MITF: variants seen among roughly 807,000 people sequenced by gnomAD.
MITF encodes the protein microphthalmia-associated transcription factor.
In MITF, 17 loss-of-function variants were observed where a neutral mutation model predicts 60.5. The ratio of observed to expected loss-of-function variants is 0.28; its 90% CI spans 0.19 to 0.42. The LOEUF is 0.42. Ranked by LOEUF, MITF falls within the 10% of genes least tolerant of loss-of-function variation. The pLI, the probability that MITF is intolerant of heterozygous loss-of-function variation, is 1.00. For synonymous variants in MITF, 260 were observed against 248.5 expected (o/e 1.05, Z -0.43); for missense variants, 622 against 683.5 (o/e 0.91, Z 1.00).
At chr3:69,944,105 T>C (rs2066035779) in intron 5 of MITF, among the ~76,000 whole-genome samples, 1 of 152,092 alleles carries the variant, frequency 6.6e-6, no homozygotes, top group African/African-American at 2.4e-5. Context: ...AGAAAACACA[T>C]TTAAAAATAA....
intron 1 of MITF, among the ~76,000 whole-genome samples, chr3:69,799,462 T>C (rs112316564): frequency 1.4e-3 from 218 of 152,290 alleles, no homozygotes; most frequent in African/African-American, 5.1e-3. Context: ...GCTCTTTTTG[T>C]TGTTGTTGTT....
At chr3:69,828,288 G>C (rs2063388781) in intron 1 of MITF, among the ~76,000 whole-genome samples, 1 of 152,174 alleles carries the variant, frequency 6.6e-6, no homozygotes, top group East Asian at 1.9e-4. Context: ...AATAATTTAA[G>C]AAGATTAGTG....
intron 1 of MITF, among the ~76,000 whole-genome samples, chr3:69,782,058 C>T (rs1259124617): frequency 6.6e-6 from 1 of 152,196 alleles, no homozygotes; most frequent in Non-Finnish European, 1.5e-5. Context: ...AGGTTTGCAA[C>T]ATTGTACAAC....
intron 2 of MITF, among the ~76,000 whole-genome samples, chr3:69,891,729 C>T (rs1164739623): frequency 6.6e-6 from 1 of 152,132 alleles, no homozygotes; most frequent in African/African-American, 2.4e-5. Flanking sequence ...AGAGTTATGG[C>T]AAATCTCCAA....
intron 2 of MITF, among the ~76,000 whole-genome samples, chr3:69,931,399 T>C (rs1559728172): frequency 2.0e-5 from 3 of 152,192 alleles, no homozygotes; most frequent in African/African-American, 7.2e-5. Flanking sequence ...GATTTTCTTA[T>C]GATAACACCT....
rs1397711103 is a variant in MITF at position 69,786,662 on chromosome 3, T to C, written c.104+46961T>C. Reference sequence around the variant, plus strand: ...TTGTTATGGATTTTATATAAGACTGTGGAAAATGAGACGTGTTTGCTTGTA... The same window carrying C: ...TTGTTATGGATTTTATATAAGACTGCGGAAAATGAGACGTGTTTGCTTGTA... On this transcript the variant is annotated intron_variant, in intron 1 of 9. Transcript: ENST00000352241. Among the ~76,000 whole-genome samples, 3 of 152,188 alleles carry C rather than the reference T, an allele frequency of 2.0e-5. No individual in the cohort carries two copies. The East Asian group carries it at 5.8e-4, about 29-fold the overall frequency.
intron 1 of MITF, among the ~76,000 whole-genome samples, chr3:69,813,816 G>T (rs907511967): frequency 2.6e-5 from 4 of 152,142 alleles, no homozygotes; most frequent in Non-Finnish European, 4.4e-5. Flanking sequence ...AATACTTAAG[G>T]ATCTTAGATA....
At chr3:69,905,442 A>G (rs1242877392) in intron 2 of MITF, among the ~76,000 whole-genome samples, 1 of 151,478 alleles carries the variant, frequency 6.6e-6, no homozygotes, top group Admixed American at 6.6e-5. Context: ...TCCTATGAAT[A>G]TTTATGTACA....
intron 1 of MITF, among the ~76,000 whole-genome samples, chr3:69,821,677 G>GAAAAAAAAAAAAAAATAAAAAAAAA (rs71620104): frequency 8.9e-6 from 1 of 112,726 alleles, no homozygotes; most frequent in Non-Finnish European, 1.7e-5. Flanking sequence ...TTTAGAAAAG[G>GAAAAAAAAAAAAAAATAAAAAAAAA]AAAAAAAAAA....
At chr3:69,960,528 A>T (rs1559752424) in intron 9 of MITF, among the ~76,000 whole-genome samples, 1 of 152,166 alleles carries the variant, frequency 6.6e-6, no homozygotes, top group African/African-American at 2.4e-5. Flanking sequence ...ACTCCCTGTT[A>T]TGGACCAAAG....
At chr3:69,809,551 T>C (rs2063067492) in intron 1 of MITF, among the ~76,000 whole-genome samples, 1 of 151,934 alleles carries the variant, frequency 6.6e-6, no homozygotes, top group South Asian at 2.1e-4. Context: ...AAGTATGATG[T>C]AATAAAGGTT....
At chr3:69,745,949 A>G (rs1400240535) in intron 1 of MITF, among the ~76,000 whole-genome samples, 3 of 152,244 alleles carry the variant, frequency 2.0e-5, no homozygotes, top group South Asian at 2.1e-4. Context: ...CTCCTTTTCT[A>G]GTAGAATTTT....
At position 69,949,098 on chromosome 3, in the gene MITF, G is replaced by A; in HGVS notation, c.810G>A (p.Leu270=). 6.2e-7 allele frequency: 1 copy of A among 1,613,670 alleles called. No individual in the cohort carries two copies. The highest frequency in any genetic ancestry group is 8.5e-7 in the Non-Finnish European group (1 of 1,179,828). ...NLIDLYGNQG[L]PPPGLTISNS... is the part of the protein sequence containing the mutation. ...TTGATCTTTATGGAAACCAAGGTCT[G>A]CCCCCACCAGGCCTCACCATCAGCA... Residue 270 remains leucine, a synonymous_variant, in exon 6 of 10, where the codon CTG becomes CTA. Transcript: ENST00000352241.
At chr3:69,847,533 G>A (rs2063752834) in intron 1 of MITF, among the ~76,000 whole-genome samples, 2 of 152,178 alleles carry the variant, frequency 1.3e-5, no homozygotes, top group Admixed American at 1.3e-4. Context: ...TTTGACTCCA[G>A]GGGTTGTATT....
At chr3:69,757,153 C>G (rs574623221) in intron 1 of MITF, among the ~76,000 whole-genome samples, 1 of 152,248 alleles carries the variant, frequency 6.6e-6, no homozygotes, top group South Asian at 2.1e-4. Flanking sequence ...CTTCCCCCAA[C>G]TATCAGCTGT....
At chr3:69,822,904 T>G (rs2063297995) in intron 1 of MITF, among the ~76,000 whole-genome samples, 1 of 103,234 alleles carries the variant, frequency 9.7e-6, no homozygotes, top group Non-Finnish European at 2.4e-5. Flanking sequence ...TTGGTGTTTG[T>G]TTTTTTTTTT....
At chr3:69,842,617 T>A (rs1029476659) in intron 1 of MITF, among the ~76,000 whole-genome samples, 3 of 152,178 alleles carry the variant, frequency 2.0e-5, no homozygotes, top group African/African-American at 4.8e-5. Flanking sequence ...TGGGTGCAGT[T>A]TTCAGGGTGT....
At chr3:69,830,525 C>T (rs529459974) in intron 1 of MITF, among the ~76,000 whole-genome samples, 1 of 152,234 alleles carries the variant, frequency 6.6e-6, no homozygotes, top group South Asian at 2.1e-4. Context: ...TATTGTTAAC[C>T]CTGGCACTTG....
chr3:69,831,627 A>C (rs2107099793), intron 1 of MITF, among the ~76,000 whole-genome samples: 1 of 152,236 alleles, frequency 6.6e-6, no homozygotes, highest in Admixed American at 6.5e-5. Flanking sequence ...CTGCCTTGTA[A>C]ATTTCTGAAT....
Sources: allele counts gnomAD v4.1 joint callset (sites outside exome capture counted in the v4.1 genomes callset), GRCh38; gene constraint gnomAD v4.1.1; transcripts MANE v1.5; gene names NCBI Gene and HGNC (gene_info 2026-07-23, HGNC 2026-07-21).